KIAA1614: variants seen among roughly 807,000 people sequenced by gnomAD.
KIAA1614 encodes the protein uncharacterized protein KIAA1614.
KIAA1614 carries 76 observed loss-of-function variants against 88.7 expected under a neutral mutation model. The ratio of observed to expected loss-of-function variants is 0.86; its 90% confidence interval spans 0.71 to 1.04. The LOEUF is 1.04. Among genes scored for constraint, KIAA1614 ranks in the 50% least tolerant of loss-of-function variants. The pLI is 0.00. For synonymous variants in KIAA1614, 714 were observed against 675.5 expected (o/e 1.06, Z -0.88); for missense variants, 1,553 against 1,582.5 (o/e 0.98, Z 0.32).
intron 3 of KIAA1614, among the ~76,000 whole-genome samples, chr1:180,926,991 C>T (rs945625786): frequency 6.6e-6 from 1 of 152,244 alleles, no homozygotes; most frequent in Non-Finnish European, 1.5e-5. Flanking sequence ...GCAGTCTCCT[C>T]CTGCTCCCCA....
intron 3 of KIAA1614, among the ~76,000 whole-genome samples, chr1:180,926,823 G>A (rs985406279): frequency 2.0e-5 from 3 of 152,248 alleles, no homozygotes; most frequent in Non-Finnish European, 4.4e-5. Flanking sequence ...GTCTGCTGGG[G>A]AAGCTGTGCA....
chr1:180,945,963 C>A lies in KIAA1614; in HGVS notation c.*375C>A. 1 of 235,190 alleles carries A rather than the reference C, an allele frequency of 4.3e-6. No individual in the cohort carries two copies. The highest frequency in any genetic ancestry group is 7.1e-6 in the Non-Finnish European group (1 of 141,020). The allele number at this position is 235,190 out of a possible 1,614,324, so 14.6% of individuals were successfully genotyped here. ...TACTAAAAATACAAAATTAGCTGGG[C>A]GTGGTGGCGCATGCCTATAATCCCA... On this transcript the variant is annotated 3_prime_UTR_variant, in exon 9 of 9. Coordinates refer to ENST00000367588, the MANE Select transcript of KIAA1614 (RefSeq NM_020950.2).
At chr1:180,936,818 G>A in intron 5 of KIAA1614, 148 bp downstream of exon 5, 1 of 579,460 alleles carries the variant, frequency 1.7e-6, no homozygotes, top group Non-Finnish European at 2.9e-6. Flanking sequence ...CACCTCGGCA[G>A]CTCCTTGGAG....
chr1:180,921,170 G>A (rs1219672766), intron 3 of KIAA1614, among the ~76,000 whole-genome samples: 1 of 147,920 alleles, frequency 6.8e-6, no homozygotes, highest in Non-Finnish European at 1.5e-5. Flanking sequence ...ATTTGGGTGG[G>A]TAGAGGAAAA....
rs1421926581 is a variant in KIAA1614 at position 180,946,293 on chromosome 1, T to A, written c.*705T>A. Reference sequence around the variant, plus strand: ...TGGAGCATGCCTGTCTGTCTCTGCATCCCGTCCCTCCCTCAGGCCTGTGCC... The same window carrying A: ...TGGAGCATGCCTGTCTGTCTCTGCAACCCGTCCCTCCCTCAGGCCTGTGCC... On this transcript the variant is annotated 3_prime_UTR_variant, in exon 9 of 9. Transcript: ENST00000367588. 1 of 152,164 alleles carries A rather than the reference T, an allele frequency of 6.6e-6. No individual in the cohort carries two copies. Among genetic ancestry groups the A allele is most frequent in the Non-Finnish European group, 1.5e-5 (1 of 68,078 alleles). 9.4% of individuals were successfully genotyped at this position (152,164 alleles called of 1,614,324 possible).
Position 180,935,841 on chromosome 1 carries a change from C to A in KIAA1614, c.1932C>A (p.Ser644Arg). ...GWACGRTQGS[S>R]PRLRLRGSRP... ...CGTGTGGGCGGACCCAAGGCAGCAG[C>A]CCGCGACTGCGACTGCGGGGCTCCA... Residue 644 changes from serine to arginine, a missense_variant, in exon 5 of 9, where the codon AGC becomes AGA. By Grantham distance (110) the Ser-to-Arg change is moderately radical. Transcript: ENST00000367588. This position sits in a 1 kb window ranked among gnomAD's most constrained non-coding sequence, Gnocchi z 6.1. 1.2e-6 allele frequency: 2 copies of A among 1,613,540 alleles called. No homozygotes were observed. The highest frequency in any genetic ancestry group is 1.7e-6 in the Non-Finnish European group (2 of 1,179,856).
chr1:180,936,606 G>A lies in KIAA1614; in HGVS notation c.2697G>A (p.Glu899=), dbSNP rs1196419595. The A allele has an allele frequency of 1.2e-6, 2 of 1,606,906 alleles. No individual in the cohort carries two copies. The highest frequency in any genetic ancestry group is 1.7e-4 in the Middle Eastern group (1 of 6,022). The change falls in exon 5 of 9, where the codon GAG becomes GAA. Residue 899 remains glutamate, a synonymous_variant. Transcript: ENST00000367588. ...LQEPYGGAVH[E]GRVERGPCSR... is the part of the protein sequence containing the mutation. ...AGCCCTACGGGGGAGCCGTCCACGA[G>A]GGTAGGGTGGAGAGGGGCCCCTGCA...
At chr1:180,926,425 G>A (rs1194084988) in intron 3 of KIAA1614, among the ~76,000 whole-genome samples, 2 of 147,336 alleles carry the variant, frequency 1.4e-5, no homozygotes, top group Non-Finnish European at 3.0e-5. Flanking sequence ...TTTCTAATCA[G>A]TGGAGAACCA....
At position 180,947,777 on chromosome 1, in the gene KIAA1614, T is replaced by G. The variant is rs1394297481; in HGVS notation, c.*2189T>G. ...AGTTCCCTAATCTGTGAAATGAGGA[T>G]GACAAAACCTACCTAGAAGAGTCAT... is the stretch of plus-strand genomic sequence containing the variant. On this transcript the variant is annotated 3_prime_UTR_variant, in exon 9 of 9. Transcript: ENST00000367588. 6.6e-6 allele frequency: 1 copy of G among 152,148 alleles called. No individual in the cohort carries two copies. Among genetic ancestry groups the G allele is most frequent in the African/African-American group, 2.4e-5 (1 of 41,410 alleles). 9.4% of individuals were successfully genotyped at this position (152,148 alleles called of 1,614,324 possible).
chr1:180,916,757 C>T lies in KIAA1614; in HGVS notation c.654C>T (p.Pro218=), dbSNP rs12082445. 8.1e-4 allele frequency: 1,311 copies of T among 1,614,186 alleles called. 7 individuals carry two copies. The African/African-American group carries it at 0.011, about 13-fold the overall frequency. The change falls in exon 2 of 9, where the codon CCC becomes CCT. Residue 218 remains proline (P), a synonymous_variant. Transcript: ENST00000367588. The part of the protein sequence containing the change: ...LQQSPIHGVT[P]GRPGGPGHCN... ...AGAGCCCGATCCATGGAGTTACTCC[C>T]GGACGGCCTGGGGGTCCTGGTCATT...
intron 4 of KIAA1614, among the ~76,000 whole-genome samples, chr1:180,930,869 C>A (rs1484177403): frequency 1.3e-5 from 2 of 152,248 alleles, no homozygotes; most frequent in Non-Finnish European, 2.9e-5. Context: ...TACGCTCCGT[C>A]AAATCACCCT....
chr1:180,930,062 C>T (rs139946598), intron 4 of KIAA1614, among the ~76,000 whole-genome samples: 245 of 152,312 alleles, frequency 1.6e-3, no homozygotes, highest in Non-Finnish European at 2.6e-3. Flanking sequence ...GCCAAACAGA[C>T]TGCCCTTGTA....
rs1428736922 is a variant in KIAA1614 at position 180,936,534 on chromosome 1, CCT to C, written c.2626_2627del (p.Leu876ValfsTer25). On this transcript the variant is annotated frameshift_variant, in exon 5 of 9. Transcript: ENST00000367588. LOFTEE classifies it high-confidence loss of function. ...RPQVRHPLLA[L>X]STNNCNNSAP... ...CTCAGGTCAGGCACCCACTGCTGGC[CCT>C]GTCCACCAACAACTGCAACAACAGC... 6.2e-7 allele frequency: 1 copy of C among 1,614,090 alleles called. No homozygotes were observed.
At chr1:180,925,655 C>T (rs1654051349) in intron 3 of KIAA1614, among the ~76,000 whole-genome samples, 2 of 152,358 alleles carry the variant, frequency 1.3e-5, no homozygotes, top group African/African-American at 2.4e-5. Flanking sequence ...AAGCCTGTCC[C>T]TCCACCAGGA....
intron 4 of KIAA1614, among the ~76,000 whole-genome samples, chr1:180,934,257 A>G (rs1304448414): frequency 7.8e-6 from 1 of 128,916 alleles, no homozygotes; most frequent in Non-Finnish European, 1.7e-5. Context: ...CGTCTCAAAA[A>G]AAAAAAAAAA....
rs781594767 is a variant in KIAA1614, at chr1:180,935,798, C to A, written c.1889C>A (p.Thr630Asn). ...AGGACCGACAGTGAGGAGGCGGGGA[C>A]CTCTCAGGCTGGCTGGGCGTGTGGG... ...NCRTDSEEAG[T>N]SQAGWACGRT... Residue 630 changes from threonine (T) to asparagine (N), a missense_variant, in exon 5 of 9, where the codon ACC (threonine) becomes AAC (asparagine). By Grantham distance (65) the Thr-to-Asn change is moderately conservative (BLOSUM62 0). Transcript: ENST00000367588. This position sits in a 1 kb window ranked among gnomAD's most constrained non-coding sequence, Gnocchi z 6.1. The A allele has an allele frequency of 6.2e-7, 1 of 1,613,848 alleles. No homozygotes were observed. Among genetic ancestry groups the A allele is most frequent in the Admixed American group, 1.7e-5 (1 of 60,030 alleles).
chr1:180,929,411 T>C (rs1206737196), intron 4 of KIAA1614, among the ~76,000 whole-genome samples: 2 of 152,076 alleles, frequency 1.3e-5, no homozygotes, highest in Non-Finnish European at 2.9e-5. Context: ...GGTCAGGCAT[T>C]GGAGGGGGAG....
chr1:180,935,402 TC>T lies in KIAA1614; in HGVS notation c.1494del (p.Asn499ThrfsTer78). Reference sequence around the variant, plus strand: ...TCCAAGCCCGACCTCGCCGACTACATCAACGGGGCTCCCCGGCTCCGGGACG... The same window carrying T: ...TCCAAGCCCGACCTCGCCGACTACATAACGGGGCTCCCCGGCTCCGGGACG... ...LRSKPDLADYINGAPRLRDAG... is the reference protein window; with the variant it reads ...LRSKPDLADYXNGAPRLRDAG... On this transcript the variant is annotated frameshift_variant, in exon 5 of 9. Coordinates refer to ENST00000367588, the MANE Select transcript of KIAA1614 (RefSeq NM_020950.2). LOFTEE classifies it high-confidence loss of function. This position sits in a 1 kb window ranked among gnomAD's most constrained non-coding sequence, Gnocchi z 6.1. 1 of 1,472,812 alleles carries T rather than the reference TC, an allele frequency of 6.8e-7. No individual in the cohort carries two copies. Among genetic ancestry groups the T allele is most frequent in the East Asian group, 2.4e-5 (1 of 41,626 alleles). The allele number at this position is 1,472,812 out of a possible 1,614,324, so 91.2% of individuals were successfully genotyped here.
chr1:180,942,068 C>G (rs565110008), intron 7 of KIAA1614, among the ~76,000 whole-genome samples: 50 of 151,428 alleles, frequency 3.3e-4, no homozygotes, highest in African/African-American at 5.3e-4. Context: ...TCCCCACCCC[C>G]CCAGCCCCGC....
Sources: allele counts gnomAD v4.1 joint callset (sites outside exome capture counted in the v4.1 genomes callset), GRCh38; gene constraint gnomAD v4.1.1; non-coding constraint Gnocchi (gnomAD v3.1); transcripts MANE v1.5; gene names NCBI Gene and HGNC (gene_info 2026-07-23, HGNC 2026-07-21).